Variants in CNTNAP3B observed in about 807,000 individuals in gnomAD.
The protein encoded by CNTNAP3B is contactin-associated protein-like 3B.
A neutral mutation model predicts 108.9 loss-of-function variants in CNTNAP3B; 25 were observed. That is an observed-to-expected ratio of 0.23 (90% CI 0.17 to 0.32). CNTNAP3B has a LOEUF of 0.32. CNTNAP3B is among the 10% of genes least tolerant of loss of function. The pLI, the probability that CNTNAP3B is intolerant of heterozygous loss-of-function variation, is 1.00. For synonymous variants in CNTNAP3B, 103 were observed against 473.4 expected, an observed-to-expected ratio of 0.22 and a Z score of 10.16; for missense variants, 252 against 1,210.4, an observed-to-expected ratio of 0.21 and a Z score of 11.75.
chr9:42,044,298 A>G (rs993912322), intron 3 of CNTNAP3B, among the ~76,000 whole-genome samples: 4 of 151,600 alleles, frequency 2.6e-5, no homozygotes, highest in Non-Finnish European at 5.9e-5. Flanking sequence ...AACATAGTAC[A>G]TATAGGGTTC....
chr9:42,069,272 C>G (rs1252476658), intron 3 of CNTNAP3B, among the ~76,000 whole-genome samples: 1 of 132,802 alleles, frequency 7.5e-6, no homozygotes, highest in Non-Finnish European at 1.6e-5. Context: ...ACTAATATAG[C>G]CCATTGACTA....
intron 11 of CNTNAP3B, among the ~76,000 whole-genome samples, chr9:41,962,386 A>G (rs1165008100): frequency 3.0e-3 from 452 of 152,006 alleles, no homozygotes; most frequent in African/African-American, 0.01. Flanking sequence ...TTCCCTCAGA[A>G]GTTTTTGGAG....
At position 42,111,038 on chromosome 9, in the gene CNTNAP3B, A is replaced by T. The variant is rs565625258; in HGVS notation, c.86-6299T>A. 1.6e-3 allele frequency among the ~76,000 whole-genome samples: 226 copies of T among 138,536 alleles called. 43 individuals carry two copies. The highest frequency in any genetic ancestry group is 6.3e-3 in the African/African-American group (220 of 34,864). The allele number at this position is 138,536 out of a possible 152,430, so 90.9% of individuals were successfully genotyped here. A position where few individuals can be genotyped will look rare whatever the true frequency, so the allele number is the denominator to read the frequency against. On this transcript the variant is annotated intron_variant, in intron 1 of 23. Transcript: ENST00000377561. ...TATCTTCAGTCACTGTCTTCCCTAC[A>T]TCTCACTCCATGGGGTCTGAAGGGG... is the stretch of plus-strand genomic sequence containing the variant.
At chr9:41,975,355 CAT>C (rs1825505661) in intron 9 of CNTNAP3B, 1 of 109,362 alleles carries the variant, frequency 9.1e-6, no homozygotes, top group Non-Finnish European at 1.8e-5. Flanking sequence ...TGTGTGATGA[CAT>C]ATTTTTCAGT....
chr9:42,019,586 T>C (rs1394936409), intron 3 of CNTNAP3B, among the ~76,000 whole-genome samples: 1 of 71,876 alleles, frequency 1.4e-5, no homozygotes, highest in African/African-American at 4.9e-5. Context: ...ACCTCATCTC[T>C]ACTTCAAAAA....
chr9:42,012,859 G>A (rs1564173916), intron 4 of CNTNAP3B, among the ~76,000 whole-genome samples: 1 of 94,736 alleles, frequency 1.1e-5, no homozygotes, highest in Non-Finnish European at 2.2e-5. Flanking sequence ...CAAAGAATAG[G>A]TGAGAAAAGA....
chr9:42,082,809 A>C (rs1250422628), intron 2 of CNTNAP3B, among the ~76,000 whole-genome samples: 3 of 140,746 alleles, frequency 2.1e-5, no homozygotes, highest in African/African-American at 8.4e-5. Flanking sequence ...AACAAAAAAC[A>C]AATAGTAGAT....
At chr9:42,035,734 T>A (rs1298438302) in intron 3 of CNTNAP3B, among the ~76,000 whole-genome samples, 1 of 151,038 alleles carries the variant, frequency 6.6e-6, no homozygotes, top group Non-Finnish European at 1.5e-5. Context: ...CATACCTCAG[T>A]GCAGCTTTGA....
At position 42,115,486 on chromosome 9, in the gene CNTNAP3B, T is replaced by C. The variant is rs574209303; in HGVS notation, c.86-10747A>G. Among the ~76,000 whole-genome samples the C allele has an allele frequency of 7.6e-4, 106 of 139,596 alleles. 15 individuals carry two copies. Among genetic ancestry groups the C allele is most frequent in the African/African-American group, 2.8e-3 (98 of 35,322 alleles). The allele number at this position is 139,596 out of a possible 152,430, so 91.6% of individuals were successfully genotyped here. The stretch of plus-strand genomic sequence containing the variant: ...CCAGTAGGGGCTGACTGACACCGCA[T>C]ACAGCCAGGTGCCCCTCTGAGACGA... On this transcript the variant is annotated intron_variant, in intron 1 of 23. Transcript: ENST00000377561.
At chr9:41,926,887 A>G (rs1823835552) in intron 15 of CNTNAP3B, 1 of 152,426 alleles carries the variant, frequency 6.6e-6, no homozygotes. Flanking sequence ...CAGAGAGAAA[A>G]TAATCTAGAA....
intron 3 of CNTNAP3B, among the ~76,000 whole-genome samples, chr9:42,035,342 A>C (rs114403113): frequency 0.018 from 2,666 of 146,278 alleles, 136 homozygotes; most frequent in African/African-American, 0.063. Flanking sequence ...TTCAGATCAG[A>C]TGCCACCTTT....
intron 14 of CNTNAP3B, among the ~76,000 whole-genome samples, chr9:41,933,692 G>T (rs1298529277): frequency 6.6e-6 from 1 of 152,230 alleles, no homozygotes; most frequent in Non-Finnish European, 1.5e-5. Flanking sequence ...TTCTATGTAG[G>T]CAATCATATT....
At position 41,938,668 on chromosome 9, in the gene CNTNAP3B, C is replaced by A. The variant is rs1483988537; in HGVS notation, c.2081-268G>T. Among the ~76,000 whole-genome samples, 3 of 152,382 alleles carry A rather than the reference C, an allele frequency of 2.0e-5. No homozygotes were observed. In the East Asian group the frequency reaches 5.8e-4, roughly 29 times the overall value. ...ATCAGTCAGTTGCACGTGATACATA[C>A]TTTCTATAGAAATAACATTCAAAAA... On this transcript the variant is annotated intron_variant, in intron 13 of 23. Transcript: ENST00000377561.
intron 7 of CNTNAP3B, chr9:41,993,913 A>T (rs1339538266): frequency 2.8e-5 from 4 of 140,542 alleles, no homozygotes; most frequent in Non-Finnish European, 6.2e-5. Flanking sequence ...TGTGAAACTT[A>T]CACATTTTAA....
At chr9:42,063,753 G>A (rs1429090077) in intron 3 of CNTNAP3B, among the ~76,000 whole-genome samples, 1 of 138,560 alleles carries the variant, frequency 7.2e-6, no homozygotes, top group Non-Finnish European at 1.5e-5. Context: ...ATAAAAACTG[G>A]ATCTATTAGC....
intron 3 of CNTNAP3B, among the ~76,000 whole-genome samples, chr9:42,074,941 G>A (rs982519694): frequency 6.9e-6 from 1 of 145,530 alleles, no homozygotes. Context: ...CCACAAACTA[G>A]GTAGCTAAAG....
chr9:42,110,647 G>T (rs1371126436), intron 1 of CNTNAP3B, among the ~76,000 whole-genome samples: 1 of 137,768 alleles, frequency 7.3e-6, no homozygotes, highest in Non-Finnish European at 1.5e-5. Context: ...GAGTCAGCAG[G>T]GAGCACGGCC....
Position 42,110,303 on chromosome 9 carries a change from C to T in CNTNAP3B, c.86-5564G>A, listed in dbSNP as rs535091275. Among the ~76,000 whole-genome samples, 223 of 137,040 alleles carry T rather than the reference C, an allele frequency of 1.6e-3. 42 individuals carry two copies. Among genetic ancestry groups the T allele is most frequent in the African/African-American group, 6.3e-3 (217 of 34,242 alleles). The allele number at this position is 137,040 out of a possible 152,430, so 89.9% of individuals were successfully genotyped here. On this transcript the variant is annotated intron_variant, in intron 1 of 23. Coordinates refer to ENST00000377561, the MANE Select transcript of CNTNAP3B (RefSeq NM_001201380.3). ...GCTAAGCCACTCTGCCAGGCTGTGG[C>T]TCTCCCCATGCTTGCGGCTGCACTT...
At chr9:42,089,345 A>G (rs1217861292) in intron 2 of CNTNAP3B, among the ~76,000 whole-genome samples, 7 of 112,192 alleles carry the variant, frequency 6.2e-5, no homozygotes, top group African/African-American at 3.6e-5. Context: ...ATTTTTATCA[A>G]TTTCTATCCT....
Sources: allele counts gnomAD v4.1 joint callset (sites outside exome capture counted in the v4.1 genomes callset), GRCh38; gene constraint gnomAD v4.1.1; transcripts MANE v1.5; gene names NCBI Gene and HGNC (gene_info 2026-07-23, HGNC 2026-07-21).